Variants in CEMIP observed in about 807,000 individuals in gnomAD.
The protein encoded by CEMIP is cell migration-inducing and hyaluronan-binding protein.
A neutral mutation model predicts 156.9 loss-of-function variants in CEMIP; 105 were observed. The observed-to-expected ratio is 0.67, with a 90% CI of 0.57 to 0.79. CEMIP has a LOEUF of 0.79. Ranked by LOEUF, CEMIP falls within the 30% of genes least tolerant of loss-of-function variation. The pLI is 0.00. For synonymous variants in CEMIP, 676 were observed against 668.4 expected (o/e 1.01, Z -0.17); for missense variants, 1,457 against 1,769.4 (o/e 0.82, Z 3.17).
chr15:80,882,647 C>T (rs1440723043), intron 6 of CEMIP, among the ~76,000 whole-genome samples: 1 of 152,124 alleles, frequency 6.6e-6, no homozygotes, highest in African/African-American at 2.4e-5. Context: ...ATGGCAAGGA[C>T]AGAATGTCTG....
At chr15:80,857,855 G>T (rs1236638594) in intron 1 of CEMIP, among the ~76,000 whole-genome samples, 2 of 152,210 alleles carry the variant, frequency 1.3e-5, no homozygotes, top group Admixed American at 6.5e-5. Flanking sequence ...ACCTTCAGAT[G>T]GGAAGAAGAT....
rs754313184 is a variant in CEMIP, at chr15:80,929,107, A to G, written c.2545A>G (p.Met849Val). 7 of 1,614,214 alleles carry G rather than the reference A, an allele frequency of 4.3e-6. No homozygotes were observed. The highest frequency in any genetic ancestry group is 5.9e-6 in the Non-Finnish European group (7 of 1,180,048). The change falls in exon 21 of 30, where the codon ATG becomes GTG. Residue 849 changes from methionine (M) to valine (V), a missense_variant. By Grantham distance (21) the Met-to-Val change is conservative. Around this residue, in one of 5 missense-constraint regions of CEMIP, gnomAD observed 798 missense variants for 980.1 expected, o/e 0.81. Coordinates refer to ENST00000394685, the MANE Select transcript of CEMIP (RefSeq NM_001293298.2). ...CGAGAGTGGCAACGTGGGGACGGAA[A>G]TGATGGACAATAGGATCTGGGGCCC... is the stretch of plus-strand genomic sequence containing the variant. Reference protein sequence around the residue: ...VGESGNVGTEMMDNRIWGPGG... With the variant: ...VGESGNVGTEVMDNRIWGPGG...
rs3221932 is a variant in CEMIP at position 80,848,900 on chromosome 15, G to GCACACACACACACACACACACACACA, written c.-175-24636_-175-24611dup. On this transcript the variant is annotated intron_variant, in intron 1 of 29. Coordinates refer to ENST00000394685, the MANE Select transcript of CEMIP (RefSeq NM_001293298.2). ...TGTTCTCTGATGAGCGTGTGCGCGT[G>GCACACACACACACACACACACACACA]CACACACACACACACACACACACAC... Among the ~76,000 whole-genome samples the GCACACACACACACACACACACACACA allele has an allele frequency of 1.1e-3, 147 of 134,632 alleles. 1 individual carries two copies. Among genetic ancestry groups the GCACACACACACACACACACACACACA allele is most frequent in the African/African-American group, 3.0e-3 (102 of 33,804 alleles). The allele number at this position is 134,632 out of a possible 152,430, so 88.3% of individuals were successfully genotyped here. A position where few individuals can be genotyped will look rare whatever the true frequency, so the allele number is the denominator to read the frequency against.
rs140501363 is a variant in CEMIP at position 80,941,852 on chromosome 15, G to A, written c.3411G>A (p.Leu1137=). The A allele has an allele frequency of 1.5e-3, 2,345 of 1,613,416 alleles. 3 individuals are homozygous for A. The highest frequency in any genetic ancestry group is 1.5e-3 in the Non-Finnish European group (1,794 of 1,179,930). ...SHYYWDEDSG[L]LFLKLKAQNE... ...CAGCAATGCTCCTTGTGTGCAGGCT[G>A]TTGTTCCTGAAGCTGAAAGCTCAGA... Residue 1137 remains leucine, a synonymous_variant, in exon 26 of 30, where the codon CTG becomes CTA. Transcript: ENST00000394685.
At chr15:80,828,866 G>A (rs989469622) in intron 1 of CEMIP, among the ~76,000 whole-genome samples, 1 of 152,208 alleles carries the variant, frequency 6.6e-6, no homozygotes, top group African/African-American at 2.4e-5. Flanking sequence ...GCTTCCAATG[G>A]CAGTTGATCT....
intron 1 of CEMIP, among the ~76,000 whole-genome samples, chr15:80,868,936 G>C (rs1898200497): frequency 6.6e-6 from 1 of 152,204 alleles, no homozygotes; most frequent in Non-Finnish European, 1.5e-5. Context: ...TGCTGTGTTA[G>C]TTTGCTAGGG....
intron 12 of CEMIP, among the ~76,000 whole-genome samples, chr15:80,901,932 C>T (rs965435605): frequency 2.6e-5 from 4 of 152,170 alleles, no homozygotes. Context: ...CCAAAGTCTC[C>T]ACCTGAAGAT....
intron 12 of CEMIP, among the ~76,000 whole-genome samples, chr15:80,897,892 T>C (rs1648032561): frequency 6.6e-6 from 1 of 152,186 alleles, no homozygotes; most frequent in Non-Finnish European, 1.5e-5. Flanking sequence ...TTAACTATCA[T>C]TATCCACTGA....
At chr15:80,927,480 C>G (rs768166355) in intron 19 of CEMIP, among the ~76,000 whole-genome samples, 1 of 152,160 alleles carries the variant, frequency 6.6e-6, no homozygotes, top group African/African-American at 2.4e-5. Context: ...TTGCAATATC[C>G]TAAGTTCGGT....
chr15:80,807,321 C>T (rs997811705), intron 1 of CEMIP, among the ~76,000 whole-genome samples: 4 of 150,670 alleles, frequency 2.7e-5, no homozygotes, highest in Non-Finnish European at 5.9e-5. Context: ...GCCTCAAATT[C>T]CTGGGCTCAA....
rs1567085077 is a variant in CEMIP at position 80,889,568 on chromosome 15, A to G, written c.1062A>G (p.Ile354Met). ...TCTGGAAAGCTCACCCAGGAAAAAT[A>G]TGCAATCGTCCCATTGATATACAGG... is the stretch of plus-strand genomic sequence containing the variant. The part of the protein sequence containing the change: ...SDLWKAHPGK[I>M]CNRPIDIQAT... Residue 354 changes from isoleucine to methionine, a missense_variant, in exon 10 of 30, where the codon ATA becomes ATG. Ile to Met is a conservative substitution (Grantham distance 10). This residue lies in a region of CEMIP where 280 missense variants were observed against 300.3 expected (regional missense o/e 0.93). Coordinates refer to ENST00000394685, the MANE Select transcript of CEMIP (RefSeq NM_001293298.2). 1 of 1,614,238 alleles carries G rather than the reference A, an allele frequency of 6.2e-7. No homozygotes were observed. Among genetic ancestry groups the G allele is most frequent in the East Asian group, 2.2e-5 (1 of 44,884 alleles).
intron 25 of CEMIP, among the ~76,000 whole-genome samples, chr15:80,939,590 T>G (rs1901264586): frequency 1.3e-5 from 2 of 152,236 alleles, no homozygotes; most frequent in Non-Finnish European, 2.9e-5. Flanking sequence ...AAGTTGAACC[T>G]CTTTGATCAA....
intron 24 of CEMIP, among the ~76,000 whole-genome samples, chr15:80,937,377 T>C (rs932845375): frequency 1.3e-5 from 2 of 152,226 alleles, no homozygotes; most frequent in African/African-American, 4.8e-5. Context: ...GTCACAGTAT[T>C]TCTGTGAGAC....
intron 13 of CEMIP, among the ~76,000 whole-genome samples, chr15:80,907,733 A>G (rs1345826365): frequency 2.6e-5 from 4 of 151,974 alleles, no homozygotes; most frequent in Admixed American, 6.5e-5. Context: ...TATTAAGCTC[A>G]AAGAGGAATT....
intron 28 of CEMIP, among the ~76,000 whole-genome samples, chr15:80,945,089 T>A (rs1901492776): frequency 6.6e-6 from 1 of 152,214 alleles, no homozygotes; most frequent in South Asian, 2.1e-4. Flanking sequence ...AGGCCACTAC[T>A]GGCCCCAGGG....
In CEMIP at chr15:80,951,452, T is replaced by C. The variant is rs1451269882; in HGVS notation, c.*2528T>C. The C allele has an allele frequency of 6.6e-6, 1 of 152,656 alleles. No individual in the cohort carries two copies. The highest frequency in any genetic ancestry group is 1.5e-5 in the Non-Finnish European group (1 of 68,036). The allele number at this position is 152,656 out of a possible 1,614,324, so 9.5% of individuals were successfully genotyped here. On this transcript the variant is annotated 3_prime_UTR_variant, in exon 30 of 30. Transcript: ENST00000394685. ...GTAAGACTTAAGTGAGTTAGGTCTT[T>C]AAGGAAAGCAACGCTCCTCTGAAAT...
chr15:80,950,561 A>G lies in CEMIP; in HGVS notation c.*1637A>G, dbSNP rs2141773584. ...GGGTGCACAGTAGCTGCAACTCCCC[A>G]TTGGTGCTACCTGGCTCTCCTGTCT... On this transcript the variant is annotated 3_prime_UTR_variant, in exon 30 of 30. Coordinates refer to ENST00000394685, the MANE Select transcript of CEMIP (RefSeq NM_001293298.2). 6.6e-6 allele frequency: 1 copy of G among 152,310 alleles called. No homozygotes were observed. The highest frequency in any genetic ancestry group is 1.9e-4 in the East Asian group (1 of 5,176). The allele number at this position is 152,310 out of a possible 1,614,324, so 9.4% of individuals were successfully genotyped here. A position where few individuals can be genotyped will look rare whatever the true frequency, so the allele number is the denominator to read the frequency against.
At chr15:80,816,332 T>C (rs1896787389) in intron 1 of CEMIP, among the ~76,000 whole-genome samples, 1 of 152,122 alleles carries the variant, frequency 6.6e-6, no homozygotes, top group South Asian at 2.1e-4. Context: ...AGCTCTGAAA[T>C]CAAAGAAATG....
chr15:80,923,329 C>T (rs1900542355), intron 17 of CEMIP, among the ~76,000 whole-genome samples: 2 of 152,158 alleles, frequency 1.3e-5, no homozygotes, highest in African/African-American at 4.8e-5. Context: ...AGAGAGCAAT[C>T]TCCATACAGA....
Sources: allele counts gnomAD v4.1 joint callset (sites outside exome capture counted in the v4.1 genomes callset), GRCh38; gene constraint gnomAD v4.1.1; regional missense constraint gnomAD v4.1.1; transcripts MANE v1.5; gene names NCBI Gene and HGNC (gene_info 2026-07-23, HGNC 2026-07-21).